MICAL2: variants seen among roughly 807,000 people sequenced by gnomAD.
MICAL2 encodes the protein microtubule associated monooxygenase, calponin and LIM domain containing 2.
Under a neutral mutation model 127.3 loss-of-function variants are expected in MICAL2, and 77 were observed. The ratio of observed to expected loss-of-function variants is 0.60; its 90% CI spans 0.50 to 0.73. The LOEUF is 0.73. MICAL2 is among the 30% of genes least tolerant of loss of function. The probability of loss-of-function intolerance (pLI) is 0.00; values close to 1 mark genes in which losing one functional copy is unlikely to be tolerated. For missense variants in MICAL2, 1,351 were observed against 1,434.4 expected, an observed-to-expected ratio of 0.94 and a Z score of 0.94; for synonymous variants, 570 against 551.1, an observed-to-expected ratio of 1.03 and a Z score of -0.48.
intron 2 of MICAL2, among the ~76,000 whole-genome samples, chr11:12,141,360 T>G (rs1175377824): frequency 6.6e-6 from 1 of 152,220 alleles, no homozygotes; most frequent in Non-Finnish European, 1.5e-5. Context: ...TCTCCTTGAC[T>G]TCTGTGGTCC....
intron 3 of MICAL2, among the ~76,000 whole-genome samples, chr11:12,170,102 A>T (rs549911789): frequency 1.3e-4 from 20 of 152,146 alleles, no homozygotes; most frequent in African/African-American, 4.8e-4. Flanking sequence ...ACCACCAAAC[A>T]TTTGCGTGGT....
intron 30 of MICAL2, among the ~76,000 whole-genome samples, chr11:12,320,630 G>A (rs551545673): frequency 6.6e-6 from 1 of 152,088 alleles, no homozygotes; most frequent in Non-Finnish European, 1.5e-5. Flanking sequence ...TTTATTTTTT[G>A]GAGTAGTGAG....
chr11:12,241,899 G>A (rs1027941287), intron 18 of MICAL2, among the ~76,000 whole-genome samples: 41 of 123,720 alleles, frequency 3.3e-4, no homozygotes, highest in Non-Finnish European at 7.3e-4. Context: ...AAATCTCTGG[G>A]GGTTGGCCCC....
Position 12,239,554 on chromosome 11 carries a change from A to G in MICAL2, c.2183A>G (p.Glu728Gly). The part of the protein sequence containing the change: ...MANQLLAKFE[E>G]STRNPSLMKQ... ...AATCAGCTGCTGGCCAAGTTTGAGG[A>G]GAGCACTCGGAACCCCTCACTCATG... Residue 728 changes from glutamate (E) to glycine (G), a missense_variant, in exon 17 of 28, where the codon GAG (glutamate) becomes GGG (glycine). Glu to Gly is a moderately conservative substitution (Grantham distance 98). Coordinates refer to ENST00000683283, the MANE Select transcript of MICAL2 (RefSeq NM_001282663.2). The G allele has an allele frequency of 6.2e-7, 1 of 1,614,232 alleles. No individual in the cohort carries two copies. The highest frequency in any genetic ancestry group is 8.5e-7 in the Non-Finnish European group (1 of 1,180,036).
rs555082150 is a variant in MICAL2 at position 12,281,699 on chromosome 11, C to T, written c.254+600C>T. ...GGATGACCCTGTGGGGTAACTAGTG[C>T]GAAGCCTGTTTCACAGGTGAGCAAA... On this transcript the variant is annotated intron_variant, in intron 2 of 2. Coordinates refer to the MICAL2 transcript ENST00000529028. 2.3e-4 allele frequency among the ~76,000 whole-genome samples: 35 copies of T among 152,346 alleles called. No individual in the cohort carries two copies. In the South Asian group the frequency reaches 4.1e-3, roughly 18 times the overall value.
intron 26 of MICAL2, chr11:12,260,820 C>T (rs2134706412): frequency 1.0e-6 from 1 of 985,452 alleles, no homozygotes; most frequent in Non-Finnish European, 1.2e-6. Context: ...TGATGTTAAA[C>T]AGTAGCTTAA....
intron 11 of MICAL2, 150 bp from the exon 12 acceptor site, chr11:12,223,261 G>A (rs557964041): frequency 1.1e-5 from 7 of 632,582 alleles, no homozygotes; most frequent in Non-Finnish European, 2.0e-5. Flanking sequence ...TATGACTGAA[G>A]TTGCCTGCGT....
intron 21 of MICAL2, among the ~76,000 whole-genome samples, chr11:12,247,617 A>C (rs918704766): frequency 6.6e-6 from 1 of 152,196 alleles, no homozygotes; most frequent in African/African-American, 2.4e-5. Context: ...AAGCAGTCTT[A>C]GAAAGGATAT....
intron 32 of MICAL2, among the ~76,000 whole-genome samples, chr11:12,336,296 T>C (rs533504215): frequency 6.6e-6 from 1 of 152,354 alleles, no homozygotes; most frequent in African/African-American, 2.4e-5. Flanking sequence ...TTTTTGCACA[T>C]TGATTTTGTA....
At chr11:12,339,303 G>T (rs1275695890) in intron 32 of MICAL2, among the ~76,000 whole-genome samples, 1 of 152,060 alleles carries the variant, frequency 6.6e-6, no homozygotes, top group Non-Finnish European at 1.5e-5. Flanking sequence ...AGCTCCATCA[G>T]GTCCTTTAAG....
chr11:12,226,242 A>G lies in MICAL2; in HGVS notation c.1760A>G (p.Glu587Gly), dbSNP rs774199818. The change falls in exon 14 of 28, where the codon GAG becomes GGG. Residue 587 changes from glutamate (E) to glycine (G), a missense_variant. By Grantham distance (98) the Glu-to-Gly change is moderately conservative (BLOSUM62 -2). Around this residue, in one of 2 missense-constraint regions of MICAL2, gnomAD observed 752 missense variants for 719.4 expected, o/e 1.05. Transcript: ENST00000683283. ...NQLAFDVAER[E>G]FGIPPVTTGK... ...CTCGCATTTGATGTGGCCGAGCGAG[A>G]GTTTGGGATCCCTCCAGTGACCACG... is the stretch of plus-strand genomic sequence containing the variant. The G allele has an allele frequency of 1.1e-5, 17 of 1,614,056 alleles. No individual in the cohort carries two copies. The highest frequency in any genetic ancestry group is 1.4e-5 in the Non-Finnish European group (16 of 1,180,052).
At chr11:12,259,368 G>T (rs552471554) in intron 25 of MICAL2, among the ~76,000 whole-genome samples, 1 of 152,004 alleles carries the variant, frequency 6.6e-6, no homozygotes. Flanking sequence ...TTTTATGTTG[G>T]AGCATAATTT....
intron 15 of MICAL2, 64 bp from the exon 16 acceptor site, chr11:12,236,113 A>C: frequency 2.1e-6 from 3 of 1,410,756 alleles, no homozygotes; most frequent in Non-Finnish European, 3.0e-6. Context: ...GCCCTCAGGG[A>C]TCTTAGTGGG....
chr11:12,128,312 G>T (rs1399495846), intron 1 of MICAL2, among the ~76,000 whole-genome samples: 3 of 152,190 alleles, frequency 2.0e-5, no homozygotes, highest in African/African-American at 7.2e-5. Context: ...TATCAAGACT[G>T]CAACATGCCA....
exon 35 of MICAL2, chr11:12,358,469 G>A (rs779756193): frequency 2.5e-6 from 4 of 1,614,106 alleles, no homozygotes; most frequent in Non-Finnish European, 3.4e-6. Context: ...TGTCAGCTGA[G>A]CAGGACTTGA....
upstream of MICAL2, among the ~76,000 whole-genome samples, chr11:12,272,120 C>G (rs1335829635): frequency 1.3e-5 from 2 of 152,200 alleles, no homozygotes; most frequent in Non-Finnish European, 2.9e-5. Flanking sequence ...AAAAGCAGGA[C>G]ACTGGGTGTT....
intron 32 of MICAL2, among the ~76,000 whole-genome samples, chr11:12,330,883 C>CAG (rs1201995121): frequency 1.1e-3 from 127 of 112,846 alleles, no homozygotes; most frequent in African/African-American, 2.9e-3. Flanking sequence ...GAGAGAGAGA[C>CAG]AGAGAGAGAG....
chr11:12,123,045 T>G (rs1369374233), intron 1 of MICAL2, among the ~76,000 whole-genome samples: 2 of 146,670 alleles, frequency 1.4e-5, no homozygotes, highest in African/African-American at 5.4e-5. Context: ...TCAGAAATTG[T>G]TTTTTTTTAA....
At chr11:12,248,063 A>G (rs963793439) in intron 21 of MICAL2, among the ~76,000 whole-genome samples, 1 of 152,206 alleles carries the variant, frequency 6.6e-6, no homozygotes, top group African/African-American at 2.4e-5. Flanking sequence ...GAACAGACTT[A>G]GCCAAACTTA....
Sources: allele counts gnomAD v4.1 joint callset (sites outside exome capture counted in the v4.1 genomes callset), GRCh38; gene constraint gnomAD v4.1.1; regional missense constraint gnomAD v4.1.1; transcripts MANE v1.5; gene names NCBI Gene and HGNC (gene_info 2026-07-23, HGNC 2026-07-21).